Variants in TRIM62 observed in about 807,000 individuals in gnomAD.
The protein encoded by TRIM62 is E3 ubiquitin-protein ligase TRIM62.
Under a neutral mutation model 44.2 loss-of-function variants are expected in TRIM62, and 39 were observed. The ratio of observed to expected loss-of-function variants is 0.88; its 90% CI spans 0.68 to 1.15. The LOEUF is 1.15. Among genes scored for constraint, TRIM62 ranks in the 50% most tolerant of loss-of-function variants. TRIM62 has a pLI of 0.00. For missense variants in TRIM62, 544 were observed against 665.5 expected (o/e 0.82, Z 2.01); for synonymous variants, 278 against 292.3 (o/e 0.95, Z 0.50).
chr1:33,169,305 G>C (rs1178490521), intron 1 of TRIM62, among the ~76,000 whole-genome samples: 1 of 152,174 alleles, frequency 6.6e-6, no homozygotes, highest in Non-Finnish European at 1.5e-5. Flanking sequence ...CTCGGAGTGA[G>C]AGTCATCCTT....
chr1:33,168,088 G>A (rs1004912576), intron 1 of TRIM62, among the ~76,000 whole-genome samples: 1 of 152,184 alleles, frequency 6.6e-6, no homozygotes, highest in Non-Finnish European at 1.5e-5. Context: ...GGGACTTTAG[G>A]TAGGGTGGCC....
chr1:33,157,775 G>A (rs146131495), intron 4 of TRIM62, among the ~76,000 whole-genome samples: 2,479 of 149,914 alleles, frequency 0.017, 26 homozygotes, highest in African/African-American at 0.033. Flanking sequence ...CTTTTTTTCC[G>A]AGATGGAGTC....
chr1:33,174,796 C>T (rs1048291864), intron 1 of TRIM62, among the ~76,000 whole-genome samples: 5 of 151,986 alleles, frequency 3.3e-5, no homozygotes, highest in South Asian at 2.1e-4. Context: ...GCCTATCTTT[C>T]GGGACCACAC....
At chr1:33,148,704 T>C (rs1185146974) in intron 4 of TRIM62, among the ~76,000 whole-genome samples, 1 of 152,250 alleles carries the variant, frequency 6.6e-6, no homozygotes, top group Non-Finnish European at 1.5e-5. Flanking sequence ...CACTTGAAAT[T>C]GTGAAAAGGT....
At chr1:33,174,983 A>ATG (rs1645405156) in intron 1 of TRIM62, among the ~76,000 whole-genome samples, 2 of 133,086 alleles carry the variant, frequency 1.5e-5, no homozygotes, top group Admixed American at 8.2e-5. Flanking sequence ...ACATATACAT[A>ATG]TATATGCACA....
Position 33,165,055 on chromosome 1 carries a change from A to C in TRIM62, c.504+416T>G, listed in dbSNP as rs1447423159. 1.3e-5 allele frequency: 2 copies of C among 154,814 alleles called. No individual in the cohort carries two copies. Among genetic ancestry groups the C allele is most frequent in the Non-Finnish European group, 2.8e-5 (2 of 70,348 alleles). 9.6% of individuals were successfully genotyped at this position (154,814 alleles called of 1,614,324 possible). ...CATCATCTTGCCTCGGCCTCTGAAG[A>C]GACTGGGACTACAAGTGTGTGTCAC... On this transcript the variant is annotated intron_variant, in intron 2 of 4. Coordinates refer to ENST00000291416, the MANE Select transcript of TRIM62 (RefSeq NM_018207.3). This position sits in a 1 kb window ranked among gnomAD's most constrained non-coding sequence, Gnocchi z 4.0.
intron 1 of TRIM62, among the ~76,000 whole-genome samples, chr1:33,174,366 T>C (rs913551899): frequency 6.6e-6 from 1 of 152,134 alleles, no homozygotes; most frequent in Non-Finnish European, 1.5e-5. Context: ...GCATTTTTTA[T>C]AGAGATAGGG....
At chr1:33,148,633 CCTT>C (rs1207314626) in intron 4 of TRIM62, among the ~76,000 whole-genome samples, 1 of 152,142 alleles carries the variant, frequency 6.6e-6, no homozygotes, top group African/African-American at 2.4e-5. Context: ...TTAATAATTT[CCTT>C]CTATTTTCCT....
chr1:33,174,741 G>C (rs1186439276), intron 1 of TRIM62, among the ~76,000 whole-genome samples: 1 of 152,060 alleles, frequency 6.6e-6, no homozygotes, highest in Admixed American at 6.6e-5. Context: ...TTAGGATTCA[G>C]CTCAACAGAG....
Position 33,146,223 on chromosome 1 carries a change from A to G in TRIM62, c.*954T>C. 1 of 229,838 alleles carries G rather than the reference A, an allele frequency of 4.4e-6. No homozygotes were observed. Among genetic ancestry groups the G allele is most frequent in the Non-Finnish European group, 8.8e-6 (1 of 114,182 alleles). 14.2% of individuals were successfully genotyped at this position (229,838 alleles called of 1,614,324 possible). A position where few individuals can be genotyped will look rare whatever the true frequency, so the allele number is the denominator to read the frequency against. ...AAATCCTTGTCTAATTAAACCAGCT[A>G]CAAGTGGCTCTTGTTTTCTGCAGCA... On this transcript the variant is annotated 3_prime_UTR_variant, in exon 5 of 5. Transcript: ENST00000291416.
intron 2 of TRIM62, chr1:33,164,730 G>A (rs1645310894): frequency 6.6e-6 from 1 of 152,214 alleles, no homozygotes. Flanking sequence ...GGGCTTCGAG[G>A]GGACATGCTC....
At position 33,181,587 on chromosome 1, in the gene TRIM62, A is replaced by C; in HGVS notation, c.-155T>G. ...GGAGAAGGGAGGGGGTGCTGTCCGG[A>C]AGGAGGGTAACGCGAGGAAGGGGTG... On this transcript the variant is annotated 5_prime_UTR_variant, in exon 1 of 5. Transcript: ENST00000291416. This position sits in a 1 kb window ranked among gnomAD's most constrained non-coding sequence, Gnocchi z 6.5. The C allele has an allele frequency of 1.5e-6, 2 of 1,339,272 alleles. No individual in the cohort carries two copies. The highest frequency in any genetic ancestry group is 5.6e-5 in the East Asian group (2 of 35,446). The allele number at this position is 1,339,272 out of a possible 1,614,324, so 83.0% of individuals were successfully genotyped here.
Position 33,165,410 on chromosome 1 carries a change from G to A in TRIM62, c.504+61C>T. 8.5e-7 allele frequency: 1 copy of A among 1,177,670 alleles called. No individual in the cohort carries two copies. The highest frequency in any genetic ancestry group is 1.2e-6 in the Non-Finnish European group (1 of 836,584). The allele number at this position is 1,177,670 out of a possible 1,614,324, so 73.0% of individuals were successfully genotyped here. Reference sequence around the variant, plus strand: ...CCGCCCCTCTTCCCCAGCTGGCCCCGCCCCTCGAAGCCCTGCCCTCATCTC... The same window carrying A: ...CCGCCCCTCTTCCCCAGCTGGCCCCACCCCTCGAAGCCCTGCCCTCATCTC... On this transcript the variant is annotated intron_variant, in intron 2 of 4. Coordinates refer to ENST00000291416, the MANE Select transcript of TRIM62 (RefSeq NM_018207.3). This position sits in a 1 kb window ranked among gnomAD's most constrained non-coding sequence, Gnocchi z 4.0.
In TRIM62 at chr1:33,165,426, C is replaced by CCCTCATCTCTGCCGG. The variant is rs1645317974; in HGVS notation, c.504+30_504+44dup. ...GCTGGCCCCGCCCCTCGAAGCCCTG[C>CCCTCATCTCTGCCGG]CCTCATCTCTGCCGGCCCCACCTCC... On this transcript the variant is annotated intron_variant, in intron 2 of 4. Coordinates refer to ENST00000291416, the MANE Select transcript of TRIM62 (RefSeq NM_018207.3). This position sits in a 1 kb window ranked among gnomAD's most constrained non-coding sequence, Gnocchi z 4.0. 2.6e-6 allele frequency: 4 copies of CCCTCATCTCTGCCGG among 1,515,834 alleles called. No individual in the cohort carries two copies. The highest frequency in any genetic ancestry group is 1.4e-5 in the African/African-American group (1 of 72,412). The allele number at this position is 1,515,834 out of a possible 1,614,324, so 93.9% of individuals were successfully genotyped here. A position where few individuals can be genotyped will look rare whatever the true frequency, so the allele number is the denominator to read the frequency against.
intron 4 of TRIM62, among the ~76,000 whole-genome samples, chr1:33,149,249 T>G (rs1234717367): frequency 6.6e-6 from 1 of 152,156 alleles, no homozygotes; most frequent in Admixed American, 6.5e-5. Context: ...ACCTCCCAGG[T>G]TCAAGTGATT....
rs1645320736 is a variant in TRIM62 at position 33,165,586 on chromosome 1, G to A, written c.409-20C>T. On this transcript the variant is annotated intron_variant, in intron 1 of 4. Transcript: ENST00000291416. This position sits in a 1 kb window ranked among gnomAD's most constrained non-coding sequence, Gnocchi z 4.0. Reference sequence around the variant, plus strand: ...CTCCCTCTGAAACACACACAGGGCCGGGATGGGGGCAGGGGCCATGCCTGG... The same window carrying A: ...CTCCCTCTGAAACACACACAGGGCCAGGATGGGGGCAGGGGCCATGCCTGG... 3.1e-6 allele frequency: 5 copies of A among 1,591,146 alleles called. No homozygotes were observed. Among genetic ancestry groups the A allele is most frequent in the Non-Finnish European group, 4.3e-6 (5 of 1,166,514 alleles).
In TRIM62 at chr1:33,181,023, A is replaced by G; in HGVS notation, c.408+2T>C. 7.6e-7 allele frequency: 1 copy of G among 1,323,612 alleles called. No homozygotes were observed. Among genetic ancestry groups the G allele is most frequent in the Non-Finnish European group, 9.9e-7 (1 of 1,011,682 alleles). 82.0% of individuals were successfully genotyped at this position (1,323,612 alleles called of 1,614,324 possible). On this transcript the variant is annotated splice_donor_variant, in intron 1 of 4. Coordinates refer to ENST00000291416, the MANE Select transcript of TRIM62 (RefSeq NM_018207.3). LOFTEE classifies it high-confidence loss of function. The surrounding 1 kb of genome is among the most constrained non-coding windows in gnomAD (Gnocchi z 6.5). ...CTTCCCCAGGCAGGCCGGGTAGCGCACCTGCAGCTCGTCGAAGGCGTCGTC... is the reference window on the plus strand; with the variant it reads ...CTTCCCCAGGCAGGCCGGGTAGCGCGCCTGCAGCTCGTCGAAGGCGTCGTC...
At position 33,181,712 on chromosome 1, in the gene TRIM62, G is replaced by A. The variant is rs1318607397; in HGVS notation, c.-280C>T. 4.1e-6 allele frequency: 2 copies of A among 490,672 alleles called. No homozygotes were observed. The highest frequency in any genetic ancestry group is 5.5e-4 in the Middle Eastern group (1 of 1,830). The allele number at this position is 490,672 out of a possible 1,614,324, so 30.4% of individuals were successfully genotyped here. ...CTGGGAGGAGGCTGTGAGCGGCTGA[G>A]GGACGGAGATCCTGACGGGGAGGTT... On this transcript the variant is annotated 5_prime_UTR_variant, in exon 1 of 5. Coordinates refer to ENST00000291416, the MANE Select transcript of TRIM62 (RefSeq NM_018207.3). This position sits in a 1 kb window ranked among gnomAD's most constrained non-coding sequence, Gnocchi z 6.5.
intron 4 of TRIM62, among the ~76,000 whole-genome samples, chr1:33,150,769 TA>T (rs1203022860): frequency 6.6e-5 from 10 of 151,594 alleles, no homozygotes; most frequent in Admixed American, 5.9e-4. Context: ...GAGTGTGTGG[TA>T]GGGGGAAGAG....
Sources: gnomAD v4.1 joint callset for allele counts (sites outside exome capture counted in the v4.1 genomes callset) on GRCh38, gnomAD v4.1.1 for gene constraint, Gnocchi (gnomAD v3.1) non-coding constraint, MANE v1.5 for transcripts, NCBI Gene and HGNC (gene_info 2026-07-23, HGNC 2026-07-21) for gene names.